Variants in PRKCA observed in about 807,000 individuals in gnomAD.
PRKCA encodes protein kinase C alpha type.
PRKCA carries 27 observed loss-of-function variants against 87.0 expected under a neutral mutation model. That is an observed-to-expected ratio of 0.31 (90% CI 0.23 to 0.43). The LOEUF is 0.43. Ranked by LOEUF, PRKCA falls within the 20% of genes least tolerant of loss-of-function variation. The pLI, the probability that PRKCA is intolerant of heterozygous loss-of-function variation, is 1.00. For synonymous variants in PRKCA, 329 were observed against 311.1 expected (o/e 1.06, Z -0.61); for missense variants, 518 against 852.3 (o/e 0.61, Z 4.88).
chr17:66,742,810 C>T (rs770906060), intron 13 of PRKCA, 50 bp downstream of exon 13: 29 of 1,595,734 alleles, frequency 1.8e-5, no homozygotes, highest in Admixed American at 1.7e-4. Flanking sequence ...AAACTGTAAA[C>T]GCAGCCCTCT....
intron 2 of PRKCA, among the ~76,000 whole-genome samples, chr17:66,313,977 T>C (rs1390881034): frequency 6.6e-6 from 1 of 152,240 alleles, no homozygotes; most frequent in Non-Finnish European, 1.5e-5. Context: ...TGCTACATTA[T>C]GTCAGACATC....
intron 2 of PRKCA, among the ~76,000 whole-genome samples, chr17:66,362,807 G>A (rs1324448913): frequency 2.6e-5 from 4 of 151,882 alleles, no homozygotes; most frequent in Admixed American, 2.6e-4. Context: ...CAATTCTTAT[G>A]CCTCAGTCAG....
At chr17:66,388,789 C>T (rs906982046) in intron 2 of PRKCA, among the ~76,000 whole-genome samples, 8 of 152,270 alleles carry the variant, frequency 5.3e-5, no homozygotes, top group Admixed American at 4.6e-4. Context: ...GACCCAGGGT[C>T]GTGGAGAGAC....
intron 5 of PRKCA, among the ~76,000 whole-genome samples, chr17:66,649,634 T>C (rs1971540219): frequency 6.6e-6 from 1 of 152,076 alleles, no homozygotes; most frequent in Non-Finnish European, 1.5e-5. Context: ...AAGTCTCTCT[T>C]ATTAATTAGA....
chr17:66,587,889 GTGTGTGTATATATATATATATA>G (rs1223295535), intron 3 of PRKCA, among the ~76,000 whole-genome samples: 2 of 94,228 alleles, frequency 2.1e-5, no homozygotes, highest in African/African-American at 5.0e-5. Context: ...GTGTGTGTGT[GTGTGTGTATATATATATATATA>G]TATATATATA....
In PRKCA at chr17:66,810,435, G is replaced by A. The variant is rs560626357; in HGVS notation, c.*6398G>A. The A allele has an allele frequency of 2.0e-5, 3 of 152,298 alleles. No individual in the cohort carries two copies. The highest frequency in any genetic ancestry group is 3.9e-4 in the East Asian group (2 of 5,190). The allele number at this position is 152,298 out of a possible 1,614,324, so 9.4% of individuals were successfully genotyped here. ...TCATTGCTTTTGCTACATGATTTGTGTGTGTGAAGGACATACCACGTTTAA... is the reference window on the plus strand; with the variant it reads ...TCATTGCTTTTGCTACATGATTTGTATGTGTGAAGGACATACCACGTTTAA... On this transcript the variant is annotated 3_prime_UTR_variant, in exon 17 of 17. Transcript: ENST00000413366.
rs1474229305 is a variant in PRKCA at position 66,781,864 on chromosome 17, G to GATATATATATATAT, written c.1606-5002_1606-5001insTATATATATATATA. On this transcript the variant is annotated intron_variant, in intron 14 of 16. Coordinates refer to ENST00000413366, the MANE Select transcript of PRKCA (RefSeq NM_002737.3). ...GTAAATTTTGTGAGAGAGAGAGAGA[G>GATATATATATATAT]AGAGATATATATATATATATATAGT... Among the ~76,000 whole-genome samples, 11 of 117,376 alleles carry GATATATATATATAT rather than the reference G, an allele frequency of 9.4e-5. No individual in the cohort carries two copies. In the South Asian group the frequency reaches 2.0e-3, roughly 21 times the overall value. 77.0% of individuals were successfully genotyped at this position (117,376 alleles called of 152,430 possible).
At chr17:66,773,912 C>A in intron 13 of PRKCA, 75 bp from the exon 14 acceptor site, 1 of 1,600,054 alleles carries the variant, frequency 6.2e-7, no homozygotes, top group Middle Eastern at 1.7e-4. Flanking sequence ...AAATGCCTAC[C>A]TGCTTGACTT....
At chr17:66,483,519 G>T (rs1192247947) in intron 2 of PRKCA, among the ~76,000 whole-genome samples, 1 of 149,594 alleles carries the variant, frequency 6.7e-6, no homozygotes, top group East Asian at 2.0e-4. Flanking sequence ...TGTGGAGTGT[G>T]GTGGTGCAGT....
intron 2 of PRKCA, among the ~76,000 whole-genome samples, chr17:66,344,073 A>T (rs549145382): frequency 6.6e-6 from 1 of 152,312 alleles, no homozygotes; most frequent in South Asian, 2.1e-4. Context: ...AAGAAAAATT[A>T]AGAACCACTG....
intron 2 of PRKCA, among the ~76,000 whole-genome samples, chr17:66,401,355 G>A (rs1394379133): frequency 6.6e-6 from 1 of 152,148 alleles, no homozygotes; most frequent in Admixed American, 6.5e-5. Flanking sequence ...GAGTGCCTGC[G>A]GCTGGACCCA....
chr17:66,715,895 A>T (rs556771223), intron 8 of PRKCA, among the ~76,000 whole-genome samples: 1 of 152,200 alleles, frequency 6.6e-6, no homozygotes, highest in Non-Finnish European at 1.5e-5. Flanking sequence ...ACTGAATACC[A>T]CAAGAGGGCA....
At chr17:66,780,932 A>G (rs1975192721) in intron 14 of PRKCA, among the ~76,000 whole-genome samples, 1 of 151,030 alleles carries the variant, frequency 6.6e-6, no homozygotes, top group Non-Finnish European at 1.5e-5. Flanking sequence ...ACATGGTGAA[A>G]CTCCATCTCT....
chr17:66,530,208 A>G lies in PRKCA; in HGVS notation c.288+33925A>G, dbSNP rs760806940. ...CATGGTGGAGATACAACCTAAGTAC[A>G]TTCATGCCCATTGAGACAATCCTTT... is the stretch of plus-strand genomic sequence containing the variant. On this transcript the variant is annotated intron_variant, in intron 3 of 16. Coordinates refer to ENST00000413366, the MANE Select transcript of PRKCA (RefSeq NM_002737.3). Among the ~76,000 whole-genome samples, 4 of 152,218 alleles carry G rather than the reference A, an allele frequency of 2.6e-5. 1 individual carries two copies. The highest frequency in any genetic ancestry group is 5.9e-5 in the Non-Finnish European group (4 of 68,032).
intron 2 of PRKCA, among the ~76,000 whole-genome samples, chr17:66,403,485 A>G (rs9674779): frequency 0.51 from 77,228 of 152,154 alleles, 21,796 homozygotes; most frequent in Non-Finnish European, 0.64. Context: ...ATGATTATTT[A>G]TGAATTTACC....
intron 2 of PRKCA, among the ~76,000 whole-genome samples, chr17:66,408,133 A>G (rs1049047234): frequency 1.3e-5 from 2 of 152,222 alleles, no homozygotes; most frequent in African/African-American, 4.8e-5. Context: ...CATAAGAAAG[A>G]TTTACTGGAA....
chr17:66,773,166 A>G (rs1202798962), intron 13 of PRKCA, among the ~76,000 whole-genome samples: 1 of 152,140 alleles, frequency 6.6e-6, no homozygotes, highest in African/African-American at 2.4e-5. Flanking sequence ...ACATACCATT[A>G]TGCCACCTAA....
At chr17:66,619,743 C>G (rs1012491721) in intron 3 of PRKCA, among the ~76,000 whole-genome samples, 1 of 152,158 alleles carries the variant, frequency 6.6e-6, no homozygotes, top group East Asian at 1.9e-4. Context: ...CCTCATTAAG[C>G]AGACACCTTA....
intron 2 of PRKCA, among the ~76,000 whole-genome samples, chr17:66,456,010 C>G (rs928377039): frequency 6.6e-6 from 1 of 151,972 alleles, no homozygotes; most frequent in South Asian, 2.1e-4. Flanking sequence ...CTGTTGTTCT[C>G]GTAAGAAGGC....
Sources: gnomAD v4.1 joint callset for allele counts (sites outside exome capture counted in the v4.1 genomes callset) on GRCh38, gnomAD v4.1.1 for gene constraint, MANE v1.5 for transcripts, NCBI Gene and HGNC (gene_info 2026-07-23, HGNC 2026-07-21) for gene names.